LSAMP: variants seen among roughly 807,000 people sequenced by gnomAD.
The protein encoded by LSAMP is limbic system associated membrane protein.
Under a neutral mutation model 38.6 loss-of-function variants are expected in LSAMP, and 7 were observed. The observed-to-expected ratio is 0.18, with a 90% CI of 0.10 to 0.34. LSAMP has a LOEUF of 0.34. Among genes scored for constraint, LSAMP ranks in the 10% least tolerant of loss-of-function variants. The pLI is 1.00. For missense variants in LSAMP, 313 were observed against 420.0 expected, an observed-to-expected ratio of 0.75 and a Z score of 2.23; for synonymous variants, 154 against 166.8, an observed-to-expected ratio of 0.92 and a Z score of 0.59.
intron 1 of LSAMP, among the ~76,000 whole-genome samples, chr3:116,431,986 G>A (rs936426226): frequency 6.6e-6 from 1 of 151,902 alleles, no homozygotes; most frequent in Admixed American, 6.6e-5. Flanking sequence ...TGCTTTTTAT[G>A]AACTATATGA....
intron 1 of LSAMP, among the ~76,000 whole-genome samples, chr3:116,246,004 TATTAGA>T (rs1251665356): frequency 6.6e-6 from 1 of 152,184 alleles, no homozygotes. Flanking sequence ...AATCAAAGAA[TATTAGA>T]ATTAGAAGAA....
chr3:116,414,447 T>C (rs75129875), intron 1 of LSAMP, among the ~76,000 whole-genome samples: 6,273 of 152,192 alleles, frequency 0.041, 409 homozygotes, highest in African/African-American at 0.14. Flanking sequence ...TTCATCTATT[T>C]ATTTATTTAT....
At chr3:116,038,171 G>A (rs1034177301) in intron 2 of LSAMP, among the ~76,000 whole-genome samples, 1 of 151,976 alleles carries the variant, frequency 6.6e-6, no homozygotes, top group Non-Finnish European at 1.5e-5. Flanking sequence ...TTAATCTTGG[G>A]GAAATTACTT....
chr3:116,110,916 G>A (rs890935681), intron 1 of LSAMP, among the ~76,000 whole-genome samples: 1 of 152,116 alleles, frequency 6.6e-6, no homozygotes, highest in Non-Finnish European at 1.5e-5. Context: ...AGGGAGGTAG[G>A]GGTGGGGCCG....
chr3:116,323,249 T>C (rs1397171423), intron 1 of LSAMP, among the ~76,000 whole-genome samples: 1 of 152,140 alleles, frequency 6.6e-6, no homozygotes, highest in Non-Finnish European at 1.5e-5. Context: ...TCCATTATTC[T>C]TCCTAGTTCC....
intron 3 of LSAMP, among the ~76,000 whole-genome samples, chr3:115,879,459 A>G (rs2090361): frequency 0.58 from 88,338 of 152,028 alleles, 26,112 homozygotes; most frequent in Middle Eastern, 0.72. Context: ...GGTTTTATAA[A>G]TTTATATAGA....
At chr3:115,901,272 T>C (rs1261695397) in intron 3 of LSAMP, among the ~76,000 whole-genome samples, 1 of 151,922 alleles carries the variant, frequency 6.6e-6, no homozygotes, top group Non-Finnish European at 1.5e-5. Context: ...AAATACTAGA[T>C]AGGAAGGCAT....
intron 1 of LSAMP, among the ~76,000 whole-genome samples, chr3:116,329,467 G>T (rs148063650): frequency 6.6e-6 from 1 of 152,272 alleles, no homozygotes; most frequent in East Asian, 1.9e-4. Context: ...ATTGTTGGCA[G>T]AGAAAAATAC....
At chr3:116,085,293 T>C (rs1707964108) in intron 2 of LSAMP, among the ~76,000 whole-genome samples, 1 of 152,196 alleles carries the variant, frequency 6.6e-6, no homozygotes, top group South Asian at 2.1e-4. Flanking sequence ...GTCTCTGATG[T>C]ATTTTATTCC....
chr3:116,272,953 C>T (rs1328021534), intron 1 of LSAMP, among the ~76,000 whole-genome samples: 1 of 152,036 alleles, frequency 6.6e-6, no homozygotes, highest in Admixed American at 6.6e-5. Context: ...TAAATTATTT[C>T]TGGGGTTTAT....
At chr3:116,285,945 T>A (rs1467992159) in intron 1 of LSAMP, among the ~76,000 whole-genome samples, 2 of 152,148 alleles carry the variant, frequency 1.3e-5, no homozygotes, top group Non-Finnish European at 2.9e-5. Context: ...AGGATAGAGT[T>A]GTTTAAAAGA....
chr3:116,040,321 C>A (rs1190632795), intron 2 of LSAMP, among the ~76,000 whole-genome samples: 3 of 152,154 alleles, frequency 2.0e-5, no homozygotes, highest in African/African-American at 4.8e-5. Flanking sequence ...CTGATGAGAG[C>A]AATCTGTCTT....
rs1939710622 is a variant in LSAMP, at chr3:115,992,849, G to A, written c.514+26666C>T. Among the ~76,000 whole-genome samples, 4 of 152,070 alleles carry A rather than the reference G, an allele frequency of 2.6e-5. 1 individual carries two copies. The South Asian group carries it at 8.3e-4, about 31-fold the overall frequency. On this transcript the variant is annotated intron_variant, in intron 3 of 6. Coordinates refer to ENST00000490035, the MANE Select transcript of LSAMP (RefSeq NM_002338.5). The stretch of plus-strand genomic sequence containing the variant: ...TCTGCTGCTCTAATTAATGCTGTCA[G>A]GGTAACAGTGGTCTCCCTTGGATGC...
intron 2 of LSAMP, among the ~76,000 whole-genome samples, chr3:116,055,066 A>C (rs1471650545): frequency 6.6e-6 from 1 of 152,196 alleles, no homozygotes; most frequent in Non-Finnish European, 1.5e-5. Flanking sequence ...AATTCAGGCA[A>C]ACACCCTATT....
intron 1 of LSAMP, among the ~76,000 whole-genome samples, chr3:116,102,880 G>A (rs959683269): frequency 2.6e-5 from 4 of 152,080 alleles, no homozygotes; most frequent in African/African-American, 9.7e-5. Flanking sequence ...TAAGTAAGCT[G>A]AGCTTAGCTC....
At chr3:116,243,633 T>C (rs1275851564) in intron 1 of LSAMP, among the ~76,000 whole-genome samples, 1 of 152,138 alleles carries the variant, frequency 6.6e-6, no homozygotes, top group Non-Finnish European at 1.5e-5. Flanking sequence ...TTCTTATGCT[T>C]GAAGACAAAA....
At chr3:115,841,757 T>G in intron 6 of LSAMP, 88 bp downstream of exon 6, 2 of 1,479,794 alleles carry the variant, frequency 1.4e-6, no homozygotes, top group Non-Finnish European at 9.1e-7. Context: ...TAAGTGAACT[T>G]TTAATAGCTA....
chr3:116,096,522 A>G (rs749592730), intron 1 of LSAMP, among the ~76,000 whole-genome samples: 28 of 152,232 alleles, frequency 1.8e-4, no homozygotes, highest in Non-Finnish European at 3.8e-4. Context: ...AGGATGATGC[A>G]GCATGGTTAT....
chr3:116,270,168 G>GAAAC (rs2046952674), intron 1 of LSAMP, among the ~76,000 whole-genome samples: 1 of 152,050 alleles, frequency 6.6e-6, no homozygotes, highest in African/African-American at 2.4e-5. Flanking sequence ...ATTTTTATAT[G>GAAAC]AAACATGTCC....
Sources: gnomAD v4.1 joint callset for allele counts (sites outside exome capture counted in the v4.1 genomes callset) on GRCh38, gnomAD v4.1.1 for gene constraint, MANE v1.5 for transcripts, NCBI Gene and HGNC (gene_info 2026-07-23, HGNC 2026-07-21) for gene names.